AFF3: variants seen among roughly 807,000 people sequenced by gnomAD.
AFF3 encodes the protein AF4/FMR2 family member 3.
In AFF3, 32 loss-of-function variants were observed where a neutral mutation model predicts 129.7. The observed-to-expected ratio is 0.25, with a 90% CI of 0.19 to 0.33. AFF3 has a LOEUF of 0.33. AFF3 is among the 10% of genes least tolerant of loss of function. The pLI is 1.00. For missense variants in AFF3, 1,373 were observed against 1,592.0 expected (o/e 0.86, Z 2.34); for synonymous variants, 644 against 635.4 (o/e 1.01, Z -0.20).
At chr2:99,765,708 C>G (rs1326948426) in intron 8 of AFF3, among the ~76,000 whole-genome samples, 1 of 152,092 alleles carries the variant, frequency 6.6e-6, no homozygotes, top group African/African-American at 2.4e-5. Context: ...CTGGATTCGA[C>G]CTGGTGAGGA....
intron 4 of AFF3, among the ~76,000 whole-genome samples, chr2:100,076,714 T>C (rs1436523902): frequency 6.6e-6 from 1 of 152,206 alleles, no homozygotes; most frequent in Non-Finnish European, 1.5e-5. Context: ...TTCCCTGCTG[T>C]GGTACAAGGG....
At chr2:99,703,645 C>CT (rs35535652) in intron 11 of AFF3, among the ~76,000 whole-genome samples, 42,987 of 146,918 alleles carry the variant, frequency 0.29, 6,214 homozygotes, top group South Asian at 0.34. Context: ...TCATTTCTCT[C>CT]TTTTTTTTTT....
At chr2:99,933,746 T>C (rs1158680619) in intron 7 of AFF3, among the ~76,000 whole-genome samples, 1 of 152,204 alleles carries the variant, frequency 6.6e-6, no homozygotes, top group South Asian at 2.1e-4. Context: ...AGTCTATCAT[T>C]GATGGGCATT....
intron 7 of AFF3, among the ~76,000 whole-genome samples, chr2:99,843,631 A>C (rs1689486703): frequency 6.6e-6 from 1 of 152,224 alleles, no homozygotes; most frequent in Non-Finnish European, 1.5e-5. Flanking sequence ...CACCAAGGGA[A>C]AATAAGTCAA....
intron 8 of AFF3, among the ~76,000 whole-genome samples, chr2:99,752,583 G>C (rs1681748000): frequency 6.6e-6 from 1 of 152,110 alleles, no homozygotes; most frequent in Non-Finnish European, 1.5e-5. Context: ...CCTGAGTAAA[G>C]GGACAATCTA....
chr2:99,618,787 C>A (rs567879729), intron 13 of AFF3, among the ~76,000 whole-genome samples: 1 of 152,270 alleles, frequency 6.6e-6, no homozygotes, highest in South Asian at 2.1e-4. Flanking sequence ...GTGGTGTGTA[C>A]AAGATTGCAC....
intron 7 of AFF3, among the ~76,000 whole-genome samples, chr2:99,929,437 G>C (rs1342959252): frequency 6.6e-6 from 1 of 152,172 alleles, no homozygotes; most frequent in East Asian, 1.9e-4. Context: ...GAGCAATTCA[G>C]CTCCAGCAAC....
chr2:100,129,416 G>GTGTGTGTGTGCGTGTA (rs1491429504), intron 1 of AFF3, 110 bp from the exon 2 acceptor site: 1 of 141,614 alleles, frequency 7.1e-6, no homozygotes, highest in Admixed American at 7.2e-5. Context: ...GTGTGTGTGT[G>GTGTGTGTGTGCGTGTA]TATACATATT....
At chr2:99,762,560 T>C (rs1682705512) in intron 8 of AFF3, among the ~76,000 whole-genome samples, 1 of 152,190 alleles carries the variant, frequency 6.6e-6, no homozygotes, top group African/African-American at 2.4e-5. Flanking sequence ...CTAATAATGC[T>C]CTTGTAACTC....
chr2:99,786,326 C>T (rs1684789657), intron 8 of AFF3, among the ~76,000 whole-genome samples: 1 of 152,130 alleles, frequency 6.6e-6, no homozygotes, highest in South Asian at 2.1e-4. Flanking sequence ...GAGATATTGG[C>T]ACTAAAGCCA....
chr2:99,658,103 G>C (rs1685910661), intron 12 of AFF3, among the ~76,000 whole-genome samples: 1 of 152,190 alleles, frequency 6.6e-6, no homozygotes, highest in African/African-American at 2.4e-5. Flanking sequence ...GAAAACGAAG[G>C]CAGATGCTAT....
rs1281779391 is a variant in AFF3 at position 99,907,043 on chromosome 2, C to A, written c.874-69519G>T. On this transcript the variant is annotated intron_variant, in intron 7 of 24. Coordinates refer to ENST00000672756, the MANE Select transcript of AFF3 (RefSeq NM_001386135.1). ...TACAAGTCTATATGTGTACTACATGCCAGGCAATTACTGAATGAGCCACAG... is the reference window on the plus strand; with the variant it reads ...TACAAGTCTATATGTGTACTACATGACAGGCAATTACTGAATGAGCCACAG... Among the ~76,000 whole-genome samples, 3 of 152,146 alleles carry A rather than the reference C, an allele frequency of 2.0e-5. No homozygotes were observed. In the South Asian group the frequency reaches 6.2e-4, roughly 32 times the overall value.
intron 13 of AFF3, among the ~76,000 whole-genome samples, chr2:99,603,044 T>G (rs1473935142): frequency 6.6e-6 from 1 of 152,210 alleles, no homozygotes; most frequent in African/African-American, 2.4e-5. Context: ...CGGTCCACAC[T>G]GATTGTCTGA....
chr2:99,862,405 T>C lies in AFF3; in HGVS notation c.874-24881A>G, dbSNP rs141963153. ...TGAACTTTTTGGGTTCTGAGTTTCA[T>C]GTTTCAGAAACAATCATATGACCTA... On this transcript the variant is annotated intron_variant, in intron 7 of 24. Coordinates refer to ENST00000672756, the MANE Select transcript of AFF3 (RefSeq NM_001386135.1). 1.1e-4 allele frequency among the ~76,000 whole-genome samples: 17 copies of C among 152,364 alleles called. No homozygotes were observed. In the East Asian group the frequency reaches 3.3e-3, roughly 29 times the overall value.
chr2:99,810,832 C>A (rs1686733550), intron 8 of AFF3, among the ~76,000 whole-genome samples: 1 of 152,172 alleles, frequency 6.6e-6, no homozygotes, highest in Non-Finnish European at 1.5e-5. Context: ...TTGCTCCTTG[C>A]AATTTCTCAG....
intron 2 of AFF3, among the ~76,000 whole-genome samples, chr2:100,126,379 C>T (rs912984890): frequency 6.6e-6 from 1 of 152,170 alleles, no homozygotes; most frequent in Non-Finnish European, 1.5e-5. Context: ...GATATGGGCT[C>T]TATTCTGAAG....
At chr2:99,898,236 T>C (rs1694110098) in intron 7 of AFF3, among the ~76,000 whole-genome samples, 1 of 152,114 alleles carries the variant, frequency 6.6e-6, no homozygotes, top group Non-Finnish European at 1.5e-5. Flanking sequence ...CCCTAAAGGA[T>C]CTTCAAAATA....
At chr2:100,134,973 T>C (rs1045087116) in intron 1 of AFF3, among the ~76,000 whole-genome samples, 1 of 152,162 alleles carries the variant, frequency 6.6e-6, no homozygotes, top group Admixed American at 6.5e-5. Flanking sequence ...AATGGTGGCA[T>C]TGGGCAGAGA....
At chr2:99,812,419 G>A (rs556559159) in intron 8 of AFF3, among the ~76,000 whole-genome samples, 2 of 152,320 alleles carry the variant, frequency 1.3e-5, no homozygotes, top group South Asian at 4.1e-4. Flanking sequence ...AAGGCACGGA[G>A]GACACACGTG....
Sources: gnomAD v4.1 joint callset for allele counts (sites outside exome capture counted in the v4.1 genomes callset) on GRCh38, gnomAD v4.1.1 for gene constraint, MANE v1.5 for transcripts, NCBI Gene and HGNC (gene_info 2026-07-23, HGNC 2026-07-21) for gene names.